Variants in CYB5R4 observed in about 807,000 individuals in gnomAD.
The protein encoded by CYB5R4 is cytochrome b5 reductase 4.
A neutral mutation model predicts 70.2 loss-of-function variants in CYB5R4; 55 were observed. The observed-to-expected ratio is 0.78, with a 90% CI of 0.63 to 0.98. CYB5R4 has a LOEUF of 0.98. Ranked by LOEUF, CYB5R4 falls within the 50% of genes least tolerant of loss-of-function variation. The probability of loss-of-function intolerance (pLI) is 0.00; values close to 1 mark genes in which losing one functional copy is unlikely to be tolerated. For synonymous variants in CYB5R4, 197 were observed against 199.5 expected (o/e 0.99, Z 0.11); for missense variants, 562 against 612.6 (o/e 0.92, Z 0.87).
At chr6:83,943,332 G>A (rs1411305901) in intron 14 of CYB5R4, among the ~76,000 whole-genome samples, 1 of 152,052 alleles carries the variant, frequency 6.6e-6, no homozygotes, top group African/African-American at 2.4e-5. Context: ...GGTCTAGAGT[G>A]GACTCCCGGC....
At chr6:83,941,266 A>ATT in intron 14 of CYB5R4, among the ~76,000 whole-genome samples, 1 of 152,184 alleles carries the variant, frequency 6.6e-6, no homozygotes, top group Non-Finnish European at 1.5e-5. Context: ...AGTAAACTAA[A>ATT]ATAAGAAGAT....
intron 1 of CYB5R4, among the ~76,000 whole-genome samples, chr6:83,861,265 A>C (rs765746629): frequency 1.3e-5 from 2 of 152,224 alleles, no homozygotes; most frequent in Non-Finnish European, 2.9e-5. Context: ...AGAACAAAAT[A>C]AGATTATTGT....
intron 3 of CYB5R4, among the ~76,000 whole-genome samples, chr6:83,897,886 C>CT (rs2099462170): frequency 6.6e-6 from 1 of 152,114 alleles, no homozygotes; most frequent in Non-Finnish European, 1.5e-5. Flanking sequence ...TACAGAAGCT[C>CT]TTTCGTTTAA....
In CYB5R4 at chr6:83,876,885, G is replaced by A. The variant is rs564124174; in HGVS notation, c.229+12557G>A. Among the ~76,000 whole-genome samples the A allele has an allele frequency of 2.0e-5, 3 of 152,148 alleles. No homozygotes were observed. The South Asian group carries it at 6.2e-4, about 32-fold the overall frequency. On this transcript the variant is annotated intron_variant, in intron 2 of 15. Coordinates refer to ENST00000369681, the MANE Select transcript of CYB5R4 (RefSeq NM_016230.4). ...AGTCTTGCTCTGTCACCAGGCTGGA[G>A]TGCAGTGGCACGATCTTGGCTCACT...
intron 14 of CYB5R4, among the ~76,000 whole-genome samples, chr6:83,953,885 A>C (rs992003755): frequency 1.3e-5 from 2 of 152,190 alleles, no homozygotes; most frequent in Non-Finnish European, 2.9e-5. Flanking sequence ...CTTTAAAATA[A>C]AATTTTTGAC....
chr6:83,959,083 C>A (rs2099472898), intron 15 of CYB5R4, among the ~76,000 whole-genome samples: 1 of 152,140 alleles, frequency 6.6e-6, no homozygotes, highest in Non-Finnish European at 1.5e-5. Context: ...ATGAGCCATA[C>A]TACTGAATAA....
At chr6:83,953,040 G>C (rs2099471786) in intron 14 of CYB5R4, among the ~76,000 whole-genome samples, 1 of 152,108 alleles carries the variant, frequency 6.6e-6, no homozygotes, top group African/African-American at 2.4e-5. Context: ...AGCACTTTCG[G>C]TTTCTTCCAG....
intron 3 of CYB5R4, among the ~76,000 whole-genome samples, chr6:83,907,544 T>C (rs979771197): frequency 6.6e-6 from 1 of 152,054 alleles, no homozygotes; most frequent in African/African-American, 2.4e-5. Context: ...GGTAAACTCA[T>C]GTCATGAGGA....
Position 83,964,597 on chromosome 6 carries a change from C to A in CYB5R4, c.*4719C>A, listed in dbSNP as rs1255351095. 6.6e-6 allele frequency: 1 copy of A among 152,078 alleles called. No individual in the cohort carries two copies. Among genetic ancestry groups the A allele is most frequent in the Admixed American group, 6.6e-5 (1 of 15,264 alleles). 9.4% of individuals were successfully genotyped at this position (152,078 alleles called of 1,614,324 possible). On this transcript the variant is annotated 3_prime_UTR_variant, in exon 16 of 16. Transcript: ENST00000369681. Reference sequence around the variant, plus strand: ...TCAGAAAATTAGCAGCTTGACAATGCGATAGAAAAGAAAATCCTATTTTCT... The same window carrying A: ...TCAGAAAATTAGCAGCTTGACAATGAGATAGAAAAGAAAATCCTATTTTCT...
chr6:83,922,273 T>A (rs1186062791), intron 8 of CYB5R4, among the ~76,000 whole-genome samples, 165 bp from the exon 9 acceptor site: 1 of 152,222 alleles, frequency 6.6e-6, no homozygotes, highest in African/African-American at 2.4e-5. Context: ...TTTAAATGAT[T>A]TGATTCTTTA....
intron 14 of CYB5R4, among the ~76,000 whole-genome samples, chr6:83,950,954 A>C (rs1400706062): frequency 1.3e-5 from 2 of 152,102 alleles, no homozygotes; most frequent in Admixed American, 1.3e-4. Flanking sequence ...TTTCAACCTT[A>C]AGCAACTCTG....
At chr6:83,861,543 G>A (rs1487024171) in intron 1 of CYB5R4, among the ~76,000 whole-genome samples, 8 of 152,210 alleles carry the variant, frequency 5.3e-5, no homozygotes, top group African/African-American at 1.9e-4. Context: ...CTGTGTCTGC[G>A]TGGGTTTTCT....
At chr6:83,917,846 C>T (rs918668325) in intron 5 of CYB5R4, among the ~76,000 whole-genome samples, 159 bp from the exon 6 acceptor site, 5 of 152,020 alleles carry the variant, frequency 3.3e-5, no homozygotes, top group Admixed American at 6.6e-5. Context: ...CACTTTATCA[C>T]GGCCTTTTGG....
At chr6:83,932,501 C>T (rs1431343673) in intron 10 of CYB5R4, among the ~76,000 whole-genome samples, 1 of 152,142 alleles carries the variant, frequency 6.6e-6, no homozygotes, top group East Asian at 1.9e-4. Context: ...TAGAAGAAAA[C>T]AACACTGTGG....
intron 14 of CYB5R4, among the ~76,000 whole-genome samples, chr6:83,952,156 G>T (rs2099471652): frequency 6.6e-6 from 1 of 152,024 alleles, no homozygotes; most frequent in Admixed American, 6.6e-5. Context: ...CATGGAAATG[G>T]GTCACAAAGG....
chr6:83,859,844 G>C lies in CYB5R4; in HGVS notation c.62G>C (p.Gly21Ala), dbSNP rs150617374. The C allele has an allele frequency of 5.6e-4, 900 of 1,612,800 alleles. No homozygotes were observed. The highest frequency in any genetic ancestry group is 1.1e-3 in the South Asian group (100 of 90,826). The change falls in exon 1 of 16, where the codon GGG (glycine) becomes GCG (alanine). Residue 21 changes from glycine (G) to alanine (A), a missense_variant. Coordinates refer to ENST00000369681, the MANE Select transcript of CYB5R4 (RefSeq NM_016230.4). ...AGGTCGCAGCAGCGTGTCGCCTCCG[G>C]GGGGCGTAGCAAGGTAAGCGGGTGG... ...APRSQQRVAS[G>A]GRSKVPLKQG...
At chr6:83,951,344 G>A (rs1316246796) in intron 14 of CYB5R4, among the ~76,000 whole-genome samples, 1 of 152,114 alleles carries the variant, frequency 6.6e-6, no homozygotes, top group East Asian at 1.9e-4. Context: ...ATACAGGTTT[G>A]TTACATAGGT....
chr6:83,915,336 A>G (rs554689475), intron 5 of CYB5R4, among the ~76,000 whole-genome samples: 1 of 152,228 alleles, frequency 6.6e-6, no homozygotes, highest in East Asian at 1.9e-4. Flanking sequence ...TTGCCAGATG[A>G]GTTACCTTTT....
chr6:83,919,826 T>A lies in CYB5R4; in HGVS notation c.564+372T>A, dbSNP rs181284406. ...TAAAGCATGGATAACAAAAAATGAA[T>A]CTCAGTTAACATCACCATAAGAACA... On this transcript the variant is annotated intron_variant, in intron 7 of 15. Coordinates refer to ENST00000369681, the MANE Select transcript of CYB5R4 (RefSeq NM_016230.4). 1.3e-3 allele frequency among the ~76,000 whole-genome samples: 204 copies of A among 151,576 alleles called. 3 individuals carry two copies. Among genetic ancestry groups the A allele is most frequent in the Non-Finnish European group, 8.7e-4 (59 of 67,916 alleles).
Sources: gnomAD v4.1 joint callset for allele counts (sites outside exome capture counted in the v4.1 genomes callset) on GRCh38, gnomAD v4.1.1 for gene constraint, MANE v1.5 for transcripts, NCBI Gene and HGNC (gene_info 2026-07-23, HGNC 2026-07-21) for gene names.